Variants in DCC observed in about 807,000 individuals in gnomAD.
DCC encodes the protein netrin receptor DCC.
A neutral mutation model predicts 172.5 loss-of-function variants in DCC; 58 were observed. The ratio of observed to expected loss-of-function variants is 0.34; its 90% confidence interval spans 0.27 to 0.42. DCC has a LOEUF of 0.42. Ranked by LOEUF, DCC falls within the 10% of genes least tolerant of loss-of-function variation. The pLI is 1.00. For synonymous variants in DCC, 709 were observed against 644.5 expected, an observed-to-expected ratio of 1.10 and a Z score of -1.52; for missense variants, 1,740 against 1,791.0, an observed-to-expected ratio of 0.97 and a Z score of 0.51.
At chr18:53,358,838 C>T (rs2144925976) in intron 15 of DCC, among the ~76,000 whole-genome samples, 1 of 152,176 alleles carries the variant, frequency 6.6e-6, no homozygotes. Flanking sequence ...TATTATCTAA[C>T]ATATTCTAGG....
chr18:53,190,458 C>CTGTGTGTG (rs67103778), intron 9 of DCC, among the ~76,000 whole-genome samples: 168 of 146,370 alleles, frequency 1.1e-3, no homozygotes, highest in African/African-American at 3.9e-3. Context: ...ACTGCTAACT[C>CTGTGTGTG]TGTGTGTGTG....
chr18:52,340,987 G>A, intron 1 of DCC, 109 bp downstream of exon 1: 1 of 916,318 alleles, frequency 1.1e-6, no homozygotes, highest in Non-Finnish European at 1.8e-6. Context: ...CAAGAGATTT[G>A]GCGCTTGCGC....
intron 5 of DCC, among the ~76,000 whole-genome samples, chr18:52,952,409 T>G (rs2040663735): frequency 6.6e-6 from 1 of 152,206 alleles, no homozygotes; most frequent in African/African-American, 2.4e-5. Flanking sequence ...GGAATCTGCT[T>G]GATCAAGAAA....
chr18:53,275,947 A>G (rs2056801379), intron 12 of DCC, among the ~76,000 whole-genome samples: 1 of 152,152 alleles, frequency 6.6e-6, no homozygotes, highest in Non-Finnish European at 1.5e-5. Context: ...CATTAGTAAA[A>G]TATAATTTTC....
intron 1 of DCC, among the ~76,000 whole-genome samples, chr18:52,536,222 G>A (rs1047451513): frequency 1.3e-5 from 2 of 152,054 alleles, no homozygotes; most frequent in African/African-American, 2.4e-5. Context: ...GATTGTAAAA[G>A]GTCTCATATA....
Position 52,925,361 on chromosome 18 carries a change from A to C in DCC, c.976A>C (p.Thr326Pro). 6.2e-7 allele frequency: 1 copy of C among 1,612,328 alleles called. No individual in the cohort carries two copies. The highest frequency in any genetic ancestry group is 8.5e-7 in the Non-Finnish European group (1 of 1,178,676). ...GAATATTAGTGCCTCTGCAGAGCTC[A>C]CAGTCTTGGGTAAGTTAGTGGCTGG... ...NENISASAEL[T>P]VLVPPWFLNH... Residue 326 changes from threonine to proline, a missense_variant, in exon 5 of 29, where the codon ACA (threonine) becomes CCA (proline). By Grantham distance (38) the Thr-to-Pro change is conservative (BLOSUM62 -1). Coordinates refer to ENST00000442544, the MANE Select transcript of DCC (RefSeq NM_005215.4).
chr18:52,454,879 A>C (rs552374633), intron 1 of DCC, among the ~76,000 whole-genome samples: 10 of 152,348 alleles, frequency 6.6e-5, no homozygotes, highest in Admixed American at 5.2e-4. Context: ...TGTAATGGCC[A>C]GGTGGCTGGT....
chr18:53,004,653 T>C (rs951813655), intron 5 of DCC, among the ~76,000 whole-genome samples: 1 of 152,106 alleles, frequency 6.6e-6, no homozygotes, highest in African/African-American at 2.4e-5. Flanking sequence ...TTTTATACAT[T>C]GGCTTCTCAA....
chr18:53,283,006 T>C (rs953626671), intron 12 of DCC, among the ~76,000 whole-genome samples: 7 of 152,118 alleles, frequency 4.6e-5, no homozygotes, highest in African/African-American at 1.7e-4. Context: ...AGCTCAATAA[T>C]GAGCAAAAGA....
Position 52,497,275 on chromosome 18 carries a change from AAAAAAATAT to A in DCC, c.91+156399_91+156407del, listed in dbSNP as rs1305736647. Among the ~76,000 whole-genome samples the A allele has an allele frequency of 3.6e-4, 16 of 44,284 alleles. 2 individuals are homozygous for A. Among genetic ancestry groups the A allele is most frequent in the African/African-American group, 1.4e-3 (14 of 9,782 alleles). The allele number at this position is 44,284 out of a possible 152,430, so 29.1% of individuals were successfully genotyped here. ...GACCCTGTATCAAAAAAAAAAAAAA[AAAAAAATAT>A]ATATATATATATATATATATATATA... On this transcript the variant is annotated intron_variant, in intron 1 of 28. Coordinates refer to ENST00000442544, the MANE Select transcript of DCC (RefSeq NM_005215.4).
intron 26 of DCC, among the ~76,000 whole-genome samples, chr18:53,496,236 C>T (rs12607758): frequency 0.48 from 73,572 of 151,918 alleles, 19,225 homozygotes; most frequent in Non-Finnish European, 0.6. Context: ...CTCTCTGGGA[C>T]GAAGCTTCCA....
At chr18:53,386,342 GT>G (rs747429997) in intron 16 of DCC, among the ~76,000 whole-genome samples, 5 of 151,834 alleles carry the variant, frequency 3.3e-5, no homozygotes, top group Non-Finnish European at 7.4e-5. Flanking sequence ...TATTTCTTTG[GT>G]TGTCGAAATT....
At chr18:53,331,015 A>T (rs1046891772) in intron 14 of DCC, among the ~76,000 whole-genome samples, 1 of 152,216 alleles carries the variant, frequency 6.6e-6, no homozygotes, top group Non-Finnish European at 1.5e-5. Flanking sequence ...TAACACTTAC[A>T]TAGTTTGATT....
At chr18:53,255,714 T>C (rs1369629800) in intron 12 of DCC, among the ~76,000 whole-genome samples, 1 of 152,148 alleles carries the variant, frequency 6.6e-6, no homozygotes. Context: ...TTATATTCCT[T>C]TGGGTATATA....
chr18:52,756,491 C>T (rs1031620571), intron 2 of DCC, among the ~76,000 whole-genome samples: 1 of 152,180 alleles, frequency 6.6e-6, no homozygotes, highest in Non-Finnish European at 1.5e-5. Context: ...TATGTGCATA[C>T]ATAAACATAC....
intron 1 of DCC, among the ~76,000 whole-genome samples, chr18:52,665,006 T>G (rs1199169305): frequency 6.6e-6 from 1 of 152,240 alleles, no homozygotes; most frequent in Non-Finnish European, 1.5e-5. Context: ...GGCAGGTCAA[T>G]AGACAGTTTT....
intron 1 of DCC, among the ~76,000 whole-genome samples, chr18:52,720,077 T>A (rs572708339): frequency 6.6e-6 from 1 of 152,152 alleles, no homozygotes; most frequent in East Asian, 1.9e-4. Context: ...AGGCTAGGTA[T>A]GATACGGTGG....
In DCC at chr18:53,530,902, T is replaced by C; in HGVS notation, c.*249T>C. ...GCAAAGATGCATTTTCACTGCAATG[T>C]CAAAGTTTAAGCTGCTAGAATAGTC... On this transcript the variant is annotated 3_prime_UTR_variant, in exon 29 of 29. Transcript: ENST00000442544. 1.7e-6 allele frequency: 1 copy of C among 584,304 alleles called. No individual in the cohort carries two copies. Among genetic ancestry groups the C allele is most frequent in the Non-Finnish European group, 3.1e-6 (1 of 323,868 alleles). 36.2% of individuals were successfully genotyped at this position (584,304 alleles called of 1,614,324 possible). A position where few individuals can be genotyped will look rare whatever the true frequency, so the allele number is the denominator to read the frequency against.
chr18:53,265,304 C>G (rs1431199), intron 12 of DCC, among the ~76,000 whole-genome samples: 8,183 of 152,184 alleles, frequency 0.054, 757 homozygotes, highest in African/African-American at 0.19. Flanking sequence ...GTGACAGCCT[C>G]TAAGACATTA....
Sources: allele counts gnomAD v4.1 joint callset (sites outside exome capture counted in the v4.1 genomes callset), GRCh38; gene constraint gnomAD v4.1.1; transcripts MANE v1.5; gene names NCBI Gene and HGNC (gene_info 2026-07-23, HGNC 2026-07-21).